The following NR2C2 variants were observed in gnomAD, a reference collection of about 807,000 sequenced individuals.
NR2C2 encodes the protein nuclear receptor subfamily 2 group C member 2.
A neutral mutation model predicts 62.9 loss-of-function variants in NR2C2; 6 were observed. The ratio of observed to expected loss-of-function variants is 0.10; its 90% confidence interval spans 0.05 to 0.19. The LOEUF is 0.19. Among genes scored for constraint, NR2C2 ranks in the 10% least tolerant of loss-of-function variants. The pLI is 1.00. For missense variants in NR2C2, 479 were observed against 762.7 expected, an observed-to-expected ratio of 0.63 and a Z score of 4.38; for synonymous variants, 272 against 273.8, an observed-to-expected ratio of 0.99 and a Z score of 0.07.
intron 1 of NR2C2, among the ~76,000 whole-genome samples, chr3:14,973,544 T>A (rs1178163742): frequency 2.0e-5 from 3 of 152,202 alleles, no homozygotes; most frequent in Non-Finnish European, 2.9e-5. Flanking sequence ...CCTTATAATT[T>A]TAGAGTTTTA....
At chr3:14,968,468 T>G (rs1271053964) in intron 1 of NR2C2, among the ~76,000 whole-genome samples, 2 of 151,578 alleles carry the variant, frequency 1.3e-5, no homozygotes, top group Non-Finnish European at 2.9e-5. Flanking sequence ...TGGCAATCAT[T>G]AAAAAGTCAG....
chr3:15,003,686 G>T (rs1448932694), intron 1 of NR2C2, among the ~76,000 whole-genome samples, 190 bp from the exon 2 acceptor site: 1 of 152,132 alleles, frequency 6.6e-6, no homozygotes, highest in East Asian at 1.9e-4. Context: ...TTTTAAGATT[G>T]TATTTTCCTG....
In NR2C2 at chr3:14,950,136, G is replaced by A. The variant is rs146222495; in HGVS notation, c.-40+2230G>A. On this transcript the variant is annotated intron_variant, in intron 1 of 13. Coordinates refer to ENST00000425241, the MANE Select transcript of NR2C2 (RefSeq NM_001291694.2). ...ATTATGAACTACTGGTATAGACATT[G>A]GACTAATTAAGTGATATAAATAATG... 1.2e-3 allele frequency among the ~76,000 whole-genome samples: 181 copies of A among 152,252 alleles called. 4 individuals carry two copies. In the East Asian group the frequency reaches 0.029, roughly 24 times the overall value.
intron 2 of NR2C2, among the ~76,000 whole-genome samples, chr3:15,011,169 ACAAAAAAATTTTCTAAAAAATTAG>A (rs1452351439): frequency 1.3e-5 from 2 of 152,116 alleles, no homozygotes; most frequent in African/African-American, 2.4e-5. Flanking sequence ...CTCCATCTCC[ACAAAAAAATTTTCTAAAAAATTAG>A]CTGGGTGTGG....
intron 1 of NR2C2, among the ~76,000 whole-genome samples, chr3:14,960,489 T>G (rs537111411): frequency 1.3e-5 from 2 of 152,260 alleles, no homozygotes; most frequent in South Asian, 4.1e-4. Context: ...TAAATCAGAT[T>G]GTCATCTATA....
intron 1 of NR2C2, among the ~76,000 whole-genome samples, chr3:14,968,181 T>C (rs2039917431): frequency 1.3e-5 from 2 of 152,146 alleles, no homozygotes. Context: ...CGAAAGAAAC[T>C]ACCATCAGAG....
intron 1 of NR2C2, among the ~76,000 whole-genome samples, chr3:14,951,879 C>T (rs1168644859): frequency 1.3e-5 from 2 of 152,178 alleles, no homozygotes; most frequent in Non-Finnish European, 2.9e-5. Flanking sequence ...TCCCCAGTGG[C>T]TGGGACTACA....
intron 11 of NR2C2, among the ~76,000 whole-genome samples, chr3:15,037,209 T>TG: frequency 7.7e-6 from 1 of 130,298 alleles, no homozygotes; most frequent in South Asian, 2.3e-4. Flanking sequence ...TGTTTTTTGT[T>TG]TGTGTGTGTG....
Position 15,049,034 on chromosome 3 carries a change from CTTTG to C in NR2C2, c.*6030_*6033del, listed in dbSNP as rs1215994654. ...CAGCTTTCTTCTCCCTGTGAAATCA[CTTTG>C]TTTATGTGATGGCATTTAAAAAATA... On this transcript the variant is annotated 3_prime_UTR_variant, in exon 14 of 14. Coordinates refer to ENST00000425241, the MANE Select transcript of NR2C2 (RefSeq NM_001291694.2). 3.9e-5 allele frequency: 6 copies of C among 152,594 alleles called. No homozygotes were observed. Among genetic ancestry groups the C allele is most frequent in the Non-Finnish European group, 5.9e-5 (4 of 68,036 alleles). The allele number at this position is 152,594 out of a possible 1,614,324, so 9.5% of individuals were successfully genotyped here.
At chr3:14,955,868 G>A (rs979375769) in intron 1 of NR2C2, among the ~76,000 whole-genome samples, 23 of 152,048 alleles carry the variant, frequency 1.5e-4, no homozygotes, top group African/African-American at 5.3e-4. Flanking sequence ...ACAGAAAATT[G>A]TAGAACTGCT....
At chr3:15,032,166 T>G (rs1302743420) in intron 9 of NR2C2, among the ~76,000 whole-genome samples, 2 of 152,154 alleles carry the variant, frequency 1.3e-5, no homozygotes, top group Non-Finnish European at 2.9e-5. Context: ...CCCTTAGGCT[T>G]ATGGACCACA....
intron 1 of NR2C2, among the ~76,000 whole-genome samples, chr3:14,956,645 GC>G (rs1288205956): frequency 6.6e-6 from 1 of 152,188 alleles, no homozygotes; most frequent in African/African-American, 2.4e-5. Flanking sequence ...CTAGGTTCAA[GC>G]CATTCTCCTG....
chr3:14,991,152 A>T (rs569042557), intron 1 of NR2C2, among the ~76,000 whole-genome samples: 5 of 152,330 alleles, frequency 3.3e-5, no homozygotes, highest in South Asian at 2.1e-4. Context: ...AAACTGGCTA[A>T]TGAATTCTGA....
At chr3:14,965,653 G>GTTTGTT (rs968418480) in intron 1 of NR2C2, among the ~76,000 whole-genome samples, 1 of 147,726 alleles carries the variant, frequency 6.8e-6, no homozygotes, top group Non-Finnish European at 1.5e-5. Context: ...TTTTTTGTTT[G>GTTTGTT]TTTGTTTTTG....
At chr3:14,993,670 A>G (rs1399464885) in intron 1 of NR2C2, among the ~76,000 whole-genome samples, 1 of 149,242 alleles carries the variant, frequency 6.7e-6, no homozygotes, top group African/African-American at 2.6e-5. Flanking sequence ...GGGGATCCCA[A>G]ACATTTTCTG....
At chr3:15,017,679 GA>G (rs543998774) in intron 4 of NR2C2, among the ~76,000 whole-genome samples, 3 of 152,140 alleles carry the variant, frequency 2.0e-5, no homozygotes, top group Non-Finnish European at 4.4e-5. Context: ...AGAACTCAAG[GA>G]AATATACTGC....
intron 1 of NR2C2, among the ~76,000 whole-genome samples, chr3:14,985,531 G>C (rs1472383308): frequency 6.6e-6 from 1 of 151,974 alleles, no homozygotes; most frequent in Non-Finnish European, 1.5e-5. Context: ...TTTTCTTCCA[G>C]AATTTTTGTT....
In NR2C2 at chr3:15,016,010, C is replaced by A. The variant is rs1195687912; in HGVS notation, c.274-142C>A. The A allele has an allele frequency of 9.9e-6, 6 of 605,244 alleles. No individual in the cohort carries two copies. The Admixed American group carries it at 1.7e-4, about 17-fold the overall frequency. 37.5% of individuals were successfully genotyped at this position (605,244 alleles called of 1,614,324 possible). On this transcript the variant is annotated intron_variant, in intron 3 of 13. Transcript: ENST00000425241. ...AGAGACAGGGTTTCACCATGTTAGT[C>A]AGGCTGGTCTCGAACTCCCGACCTC... is the stretch of plus-strand genomic sequence containing the variant.
chr3:15,017,417 G>A (rs1315492170), intron 4 of NR2C2, among the ~76,000 whole-genome samples: 1 of 152,202 alleles, frequency 6.6e-6, no homozygotes, highest in African/African-American at 2.4e-5. Flanking sequence ...TTACAGGCCT[G>A]TCTTCCCCAT....
Sources: gnomAD v4.1 joint callset for allele counts (sites outside exome capture counted in the v4.1 genomes callset) on GRCh38, gnomAD v4.1.1 for gene constraint, MANE v1.5 for transcripts, NCBI Gene and HGNC (gene_info 2026-07-23, HGNC 2026-07-21) for gene names.